RNLS: variants seen among roughly 807,000 people sequenced by gnomAD.
The protein encoded by RNLS is renalase, FAD dependent amine oxidase, also known as renalase.
RNLS carries 39 observed loss-of-function variants against 39.8 expected under a neutral mutation model. The observed-to-expected ratio is 0.98, with a 90% CI of 0.76 to 1.28. The LOEUF is 1.28. RNLS is among the 50% of genes most tolerant of loss of function. The pLI, the probability that RNLS is intolerant of heterozygous loss-of-function variation, is 0.00. For synonymous variants in RNLS, 147 were observed against 150.7 expected (o/e 0.98, Z 0.18); for missense variants, 410 against 413.3 (o/e 0.99, Z 0.07).
intron 4 of RNLS, among the ~76,000 whole-genome samples, chr10:88,532,872 A>G (rs1373791355): frequency 3.9e-5 from 6 of 151,990 alleles, no homozygotes; most frequent in Non-Finnish European, 8.8e-5. Flanking sequence ...AAACCAATTA[A>G]CTTAAGAAGG....
intron 5 of RNLS, among the ~76,000 whole-genome samples, chr10:88,358,112 C>A (rs1054653023): frequency 4.6e-5 from 7 of 152,206 alleles, no homozygotes; most frequent in African/African-American, 1.7e-4. Context: ...ATACTTCCCA[C>A]TACGCCAATC....
the RNLS span, among the ~76,000 whole-genome samples, chr10:88,207,897 T>C: frequency 6.6e-6 from 1 of 152,084 alleles, no homozygotes; most frequent in African/African-American, 2.4e-5. Flanking sequence ...AGGGCCACAT[T>C]AGGACTTCCC....
chr10:88,250,833 A>G, the RNLS span, among the ~76,000 whole-genome samples: 1 of 152,180 alleles, frequency 6.6e-6, no homozygotes, highest in Non-Finnish European at 1.5e-5. Flanking sequence ...TCATCCTAGA[A>G]ATATAATTCG....
the RNLS span, among the ~76,000 whole-genome samples, chr10:88,266,446 C>T: frequency 2.0e-5 from 3 of 152,216 alleles, no homozygotes; most frequent in South Asian, 6.2e-4. Flanking sequence ...GAGGGCTTTT[C>T]CCCCTTTACA....
intron 4 of RNLS, among the ~76,000 whole-genome samples, chr10:88,533,266 T>G (rs531037850): frequency 2.4e-4 from 36 of 152,216 alleles, no homozygotes; most frequent in Non-Finnish European, 1.2e-4. Context: ...AAATCATCAT[T>G]GGTTAAAGAG....
chr10:88,524,197 CCTGGG>C (rs1846938337), intron 4 of RNLS, among the ~76,000 whole-genome samples: 5 of 152,068 alleles, frequency 3.3e-5, no homozygotes, highest in Non-Finnish European at 7.4e-5. Flanking sequence ...CTGATGGCTT[CCTGGG>C]CCCTGCTTGT....
intron 4 of RNLS, among the ~76,000 whole-genome samples, chr10:88,458,849 G>C (rs1842778830): frequency 6.6e-6 from 1 of 152,066 alleles, no homozygotes; most frequent in Admixed American, 6.6e-5. Context: ...TGAACCTCTA[G>C]CTAGAAATCT....
At position 88,519,803 on chromosome 10, in the gene RNLS, C is replaced by T. The variant is rs147224632; in HGVS notation, c.526+53100G>A. Among the ~76,000 whole-genome samples, 294 of 150,412 alleles carry T rather than the reference C, an allele frequency of 2.0e-3. 2 individuals carry two copies. Among genetic ancestry groups the T allele is most frequent in the Admixed American group, 3.2e-3 (48 of 15,048 alleles). ...TGTTCTCTTTTCCTGCACTAGGTAT[C>T]CCCCATATCCATGATGTCTGAAACT... is the stretch of plus-strand genomic sequence containing the variant. On this transcript the variant is annotated intron_variant, in intron 4 of 6. Coordinates refer to ENST00000331772, the MANE Select transcript of RNLS (RefSeq NM_001031709.3).
intron 6 of RNLS, among the ~76,000 whole-genome samples, chr10:88,306,655 A>G (rs977034631): frequency 1.3e-5 from 2 of 152,190 alleles, no homozygotes; most frequent in African/African-American, 4.8e-5. Context: ...TGAACAGACC[A>G]ATAATAAGCT....
intron 4 of RNLS, among the ~76,000 whole-genome samples, chr10:88,415,915 T>C (rs535991839): frequency 3.7e-4 from 57 of 152,340 alleles, no homozygotes; most frequent in Admixed American, 2.3e-3. Context: ...TCCCTGTGAC[T>C]GATCTGACTT....
the RNLS span, among the ~76,000 whole-genome samples, chr10:88,252,721 C>A: frequency 9.2e-5 from 14 of 152,198 alleles, no homozygotes; most frequent in African/African-American, 3.4e-4. Context: ...ACTGGAGGTA[C>A]CTTGAGCAGG....
chr10:88,535,825 G>A (rs745651526), intron 4 of RNLS, among the ~76,000 whole-genome samples: 2 of 152,140 alleles, frequency 1.3e-5, no homozygotes, highest in Non-Finnish European at 2.9e-5. Flanking sequence ...AAGGTTGAAA[G>A]TGGAAATGGC....
At chr10:88,297,918 A>G (rs957608620) in intron 6 of RNLS, among the ~76,000 whole-genome samples, 1 of 152,196 alleles carries the variant, frequency 6.6e-6, no homozygotes, top group African/African-American at 2.4e-5. Context: ...GCTGTTTTCC[A>G]CAGTGGCTGC....
Position 88,583,075 on chromosome 10 carries a change from G to A in RNLS, c.116C>T (p.Ser39Leu). The A allele has an allele frequency of 6.2e-7, 1 of 1,611,310 alleles. No homozygotes were observed. The highest frequency in any genetic ancestry group is 1.1e-5 in the South Asian group (1 of 90,822). ...GTTTTGGCGTTTAGACAACCCACCT[G>A]AGTCCTCAGCCTTGTCCCACACAGC... ...YLAVWDKAED[S>L]GGRMTTACSP... Residue 39 changes from serine to leucine, a missense_variant and splice_region_variant, in exon 1 of 7, where the codon TCA becomes TTA. By Grantham distance (145) the Ser-to-Leu change is moderately radical (BLOSUM62 -2). Transcript: ENST00000331772.
At chr10:88,241,841 T>G in the RNLS span, among the ~76,000 whole-genome samples, 1,773 of 152,286 alleles carry the variant, frequency 0.012, 36 homozygotes, top group African/African-American at 0.04. Context: ...TATACAGACT[T>G]TTTTGTTGTT....
At chr10:88,471,338 C>CAGAATAAGCAGT (rs1318556286) in intron 4 of RNLS, among the ~76,000 whole-genome samples, 29 of 152,168 alleles carry the variant, frequency 1.9e-4, no homozygotes, top group African/African-American at 6.5e-4. Context: ...ACAGAATAAA[C>CAGAATAAGCAGT]TCCAAAAAAG....
At chr10:88,292,612 G>T (rs1398619297) in intron 6 of RNLS, among the ~76,000 whole-genome samples, 2 of 150,490 alleles carry the variant, frequency 1.3e-5, no homozygotes, top group East Asian at 2.0e-4. Context: ...AAAGACTGTA[G>T]ATAATTTTAC....
At chr10:88,260,982 A>G in the RNLS span, among the ~76,000 whole-genome samples, 5 of 152,340 alleles carry the variant, frequency 3.3e-5, no homozygotes, top group South Asian at 1.0e-3. Context: ...GCAAAACCCA[A>G]CACACCCAAA....
At chr10:88,277,646 A>G (rs562693600) in intron 6 of RNLS, among the ~76,000 whole-genome samples, 6 of 152,250 alleles carry the variant, frequency 3.9e-5, no homozygotes, top group African/African-American at 1.4e-4. Flanking sequence ...GGTGCACCTG[A>G]GTTTTCTAGG....
Sources: allele counts gnomAD v4.1 joint callset (sites outside exome capture counted in the v4.1 genomes callset), GRCh38; gene constraint gnomAD v4.1.1; transcripts MANE v1.5; gene names NCBI Gene and HGNC (gene_info 2026-07-23, HGNC 2026-07-21).